The following DAB1 variants were observed in gnomAD, a reference collection of about 807,000 sequenced individuals.
DAB1 encodes the protein disabled homolog 1.
A neutral mutation model predicts 64.6 loss-of-function variants in DAB1; 15 were observed. The ratio of observed to expected loss-of-function variants is 0.23; its 90% CI spans 0.16 to 0.36. DAB1 has a LOEUF of 0.36. Among genes scored for constraint, DAB1 ranks in the 10% least tolerant of loss-of-function variants. The pLI, the probability that DAB1 is intolerant of heterozygous loss-of-function variation, is 1.00. For missense variants in DAB1, 596 were observed against 706.7 expected (o/e 0.84, Z 1.78); for synonymous variants, 235 against 251.9 (o/e 0.93, Z 0.64).
At chr1:58,121,827 G>A (rs548986966) in intron 5 of DAB1, among the ~76,000 whole-genome samples, 13 of 152,226 alleles carry the variant, frequency 8.5e-5, no homozygotes, top group African/African-American at 2.6e-4. Context: ...ATAAGTAAAC[G>A]ATTTGGAATT....
At chr1:57,033,712 A>G in intron 9 of DAB1, 1 of 786,618 alleles carries the variant, frequency 1.3e-6, no homozygotes, top group Non-Finnish European at 2.2e-6. Flanking sequence ...AATGTCTGTG[A>G]AAATCTTGGA....
At chr1:57,482,919 G>A (rs964243893) in intron 7 of DAB1, among the ~76,000 whole-genome samples, 4 of 152,186 alleles carry the variant, frequency 2.6e-5, no homozygotes, top group African/African-American at 9.7e-5. Flanking sequence ...AGAGCACAGA[G>A]AGCCTACCAT....
chr1:57,687,813 G>A (rs1210904395), intron 6 of DAB1, among the ~76,000 whole-genome samples: 1 of 152,010 alleles, frequency 6.6e-6, no homozygotes, highest in Non-Finnish European at 1.5e-5. Context: ...AGTAAGCAAT[G>A]GGGAAAGGAA....
chr1:57,829,266 C>A (rs868336898), intron 1 of DAB1, among the ~76,000 whole-genome samples: 1 of 152,104 alleles, frequency 6.6e-6, no homozygotes, highest in South Asian at 2.1e-4. Context: ...TTAAGAAGTT[C>A]GCTTAAGAAA....
intron 4 of DAB1, among the ~76,000 whole-genome samples, chr1:58,329,792 G>A (rs1412068932): frequency 6.6e-6 from 1 of 152,084 alleles, no homozygotes; most frequent in Non-Finnish European, 1.5e-5. Context: ...GGGGCACCGT[G>A]AATAGCGCCC....
At chr1:57,653,087 T>C (rs1457940470) in intron 6 of DAB1, among the ~76,000 whole-genome samples, 1 of 152,212 alleles carries the variant, frequency 6.6e-6, no homozygotes, top group Non-Finnish European at 1.5e-5. Context: ...ATAGACATAA[T>C]TATAACAAAA....
chr1:57,468,787 A>G (rs150065131), intron 7 of DAB1, among the ~76,000 whole-genome samples: 1 of 152,344 alleles, frequency 6.6e-6, no homozygotes, highest in African/African-American at 2.4e-5. Context: ...CTGTCCCAAT[A>G]GAGCTCTGAG....
chr1:57,883,227 C>A (rs576104149), intron 1 of DAB1, among the ~76,000 whole-genome samples: 14 of 152,282 alleles, frequency 9.2e-5, no homozygotes, highest in Admixed American at 8.5e-4. Context: ...AACACATTTG[C>A]CACAAGATAT....
At chr1:57,943,272 A>G (rs1054487321) in intron 5 of DAB1, among the ~76,000 whole-genome samples, 5 of 152,218 alleles carry the variant, frequency 3.3e-5, no homozygotes, top group African/African-American at 9.6e-5. Flanking sequence ...AGAAACAATG[A>G]ACATATAATG....
At chr1:57,661,187 C>T (rs1296729295) in intron 6 of DAB1, among the ~76,000 whole-genome samples, 1 of 151,954 alleles carries the variant, frequency 6.6e-6, no homozygotes, top group Admixed American at 6.6e-5. Flanking sequence ...CTGCCCCCTG[C>T]TAGAGAAGAT....
intron 3 of DAB1, among the ~76,000 whole-genome samples, chr1:58,489,055 G>C (rs953534859): frequency 8.5e-5 from 13 of 152,220 alleles, no homozygotes; most frequent in African/African-American, 2.9e-4. Context: ...TCCAACTGAG[G>C]TACTGGGTGC....
At chr1:57,896,832 G>A (rs1254141201) in intron 5 of DAB1, among the ~76,000 whole-genome samples, 8 of 152,128 alleles carry the variant, frequency 5.3e-5, no homozygotes, top group African/African-American at 1.9e-4. Context: ...GTGTGTTTGA[G>A]GCAAAATCAG....
At chr1:57,515,052 A>G (rs763095498) in intron 7 of DAB1, among the ~76,000 whole-genome samples, 1 of 152,176 alleles carries the variant, frequency 6.6e-6, no homozygotes, top group Non-Finnish European at 1.5e-5. Flanking sequence ...ACGAAGGTAT[A>G]TCTCTCTTTA....
At chr1:58,159,688 C>T (rs939204581) in intron 4 of DAB1, among the ~76,000 whole-genome samples, 1 of 152,174 alleles carries the variant, frequency 6.6e-6, no homozygotes, top group Non-Finnish European at 1.5e-5. Context: ...AGGTACGTGG[C>T]GGCTGATGCT....
At chr1:57,566,884 C>G (rs998863538) in intron 7 of DAB1, among the ~76,000 whole-genome samples, 11 of 152,152 alleles carry the variant, frequency 7.2e-5, no homozygotes, top group Non-Finnish European at 1.0e-4. Context: ...TGAAACTATT[C>G]CAATCAATAG....
At chr1:57,349,091 A>G (rs1678361396) in intron 1 of DAB1, among the ~76,000 whole-genome samples, 1 of 152,218 alleles carries the variant, frequency 6.6e-6, no homozygotes, top group Admixed American at 6.5e-5. Flanking sequence ...AGTAAGTCCC[A>G]GGCAAGTAAT....
intron 1 of DAB1, among the ~76,000 whole-genome samples, chr1:57,830,046 A>C (rs1652520528): frequency 6.6e-6 from 1 of 152,122 alleles, no homozygotes; most frequent in East Asian, 1.9e-4. Context: ...CTGCTATGAG[A>C]ACTGGCCAGA....
intron 1 of DAB1, among the ~76,000 whole-genome samples, chr1:57,376,678 G>T (rs1680923670): frequency 6.6e-6 from 1 of 152,168 alleles, no homozygotes; most frequent in African/African-American, 2.4e-5. Context: ...AAAAGTGCCT[G>T]TCACACAGTA....
intron 5 of DAB1, among the ~76,000 whole-genome samples, chr1:57,901,210 C>T (rs1214483851): frequency 1.3e-5 from 2 of 152,132 alleles, no homozygotes; most frequent in Non-Finnish European, 2.9e-5. Flanking sequence ...TTTACATTCT[C>T]TTTATATTGG....
Sources: gnomAD v4.1 joint callset for allele counts (sites outside exome capture counted in the v4.1 genomes callset) on GRCh38, gnomAD v4.1.1 for gene constraint, MANE v1.5 for transcripts, NCBI Gene and HGNC (gene_info 2026-07-23, HGNC 2026-07-21) for gene names.